Variants in SLC13A1 observed in about 807,000 individuals in gnomAD.
The protein encoded by SLC13A1 is solute carrier family 13 member 1.
Under a neutral mutation model 70.0 loss-of-function variants are expected in SLC13A1, and 65 were observed. The ratio of observed to expected loss-of-function variants is 0.93; its 90% CI spans 0.76 to 1.14. The LOEUF is 1.14. Among genes scored for constraint, SLC13A1 ranks in the 50% most tolerant of loss-of-function variants. The probability of loss-of-function intolerance (pLI) is 0.00; values close to 1 mark genes in which losing one functional copy is unlikely to be tolerated. For missense variants in SLC13A1, 726 were observed against 717.8 expected (o/e 1.01, Z -0.13); for synonymous variants, 275 against 250.5 (o/e 1.10, Z -0.92).
chr7:123,164,350 G>A (rs998055371), intron 6 of SLC13A1, among the ~76,000 whole-genome samples: 32 of 151,522 alleles, frequency 2.1e-4, no homozygotes, highest in African/African-American at 6.8e-4. Context: ...TTGCCTTTGG[G>A]GAGAAATATT....
At chr7:123,137,840 G>A (rs1369530784) in intron 7 of SLC13A1, among the ~76,000 whole-genome samples, 1 of 152,096 alleles carries the variant, frequency 6.6e-6, no homozygotes, top group Non-Finnish European at 1.5e-5. Flanking sequence ...TTTTGATACA[G>A]GCATTCAATG....
intron 13 of SLC13A1, 124 bp from the exon 14 acceptor site, chr7:123,117,732 T>C (rs1333561798): frequency 9.9e-6 from 5 of 507,614 alleles, no homozygotes; most frequent in African/African-American, 9.5e-5. Flanking sequence ...TATAAAATTA[T>C]ATAAATTATT....
chr7:123,162,423 G>C (rs1449798958), intron 6 of SLC13A1, among the ~76,000 whole-genome samples: 4 of 151,928 alleles, frequency 2.6e-5, no homozygotes, highest in Admixed American at 2.6e-4. Context: ...ATTCCTAAAG[G>C]GTGTATGGTA....
intron 7 of SLC13A1, among the ~76,000 whole-genome samples, chr7:123,146,488 C>A (rs953100528): frequency 6.6e-6 from 1 of 152,174 alleles, no homozygotes; most frequent in African/African-American, 2.4e-5. Flanking sequence ...GTCCTCCAGC[C>A]TGGGCAGCAG....
chr7:123,133,377 C>T (rs1793832462), intron 8 of SLC13A1, among the ~76,000 whole-genome samples: 1 of 152,046 alleles, frequency 6.6e-6, no homozygotes, highest in South Asian at 2.1e-4. Context: ...AGCTTGATAA[C>T]CCAAGGAAAT....
At chr7:123,142,759 A>C (rs560551178) in intron 7 of SLC13A1, among the ~76,000 whole-genome samples, 22 of 151,450 alleles carry the variant, frequency 1.5e-4, no homozygotes, top group Non-Finnish European at 2.4e-4. Context: ...CTGGGACTAC[A>C]GATATGTGCC....
chr7:123,140,646 A>G (rs1013010718), intron 7 of SLC13A1, among the ~76,000 whole-genome samples: 1 of 151,996 alleles, frequency 6.6e-6, no homozygotes, highest in Admixed American at 6.6e-5. Context: ...TCATGGTTCA[A>G]TCTTGGTAGA....
At chr7:123,188,264 T>C (rs572773541) in intron 1 of SLC13A1, among the ~76,000 whole-genome samples, 4 of 152,326 alleles carry the variant, frequency 2.6e-5, no homozygotes, top group African/African-American at 9.6e-5. Context: ...TCCACCATTA[T>C]TGTAAGTTTC....
Position 123,165,923 on chromosome 7 carries a change from G to A in SLC13A1, c.660+2451C>T, listed in dbSNP as rs538427134. 2.8e-4 allele frequency among the ~76,000 whole-genome samples: 43 copies of A among 152,192 alleles called. 1 individual carries two copies. In the South Asian group the frequency reaches 6.2e-3, roughly 22 times the overall value. On this transcript the variant is annotated intron_variant, in intron 6 of 14. Coordinates refer to ENST00000194130, the MANE Select transcript of SLC13A1 (RefSeq NM_022444.4). ...ATACATCCTTTGTGTCAGGCAATGGGAATGTGCCAGAGTTTAAAGTGCTGA... is the reference window on the plus strand; with the variant it reads ...ATACATCCTTTGTGTCAGGCAATGGAAATGTGCCAGAGTTTAAAGTGCTGA...
chr7:123,148,564 C>G, intron 6 of SLC13A1: 1 of 391,922 alleles, frequency 2.6e-6, no homozygotes, highest in South Asian at 1.9e-5. Flanking sequence ...TGGTTTGATT[C>G]TTCCTCTTCC....
At chr7:123,132,514 G>A (rs896450163) in intron 8 of SLC13A1, among the ~76,000 whole-genome samples, 5 of 152,102 alleles carry the variant, frequency 3.3e-5, no homozygotes, top group African/African-American at 1.2e-4. Flanking sequence ...TGGGATTACA[G>A]GCACCTGCCA....
In SLC13A1 at chr7:123,199,937, A is replaced by G; in HGVS notation, c.10T>C (p.Phe4Leu). 6.2e-7 allele frequency: 1 copy of G among 1,612,254 alleles called. No individual in the cohort carries two copies. The highest frequency in any genetic ancestry group is 1.1e-5 in the South Asian group (1 of 91,002). The change falls in exon 1 of 15, where the codon TTC becomes CTC. Residue 4 changes from phenylalanine to leucine, a missense_variant. Physicochemically the swap from Phe to Leu is conservative, Grantham distance 22. Coordinates refer to ENST00000194130, the MANE Select transcript of SLC13A1 (RefSeq NM_022444.4). ...CGGCGATAAACCAGAATGTAACTGA[A>G]GAATTTCATTGTCCTGAGCAGGTGG... The part of the protein sequence containing the change: MKF[F>L]SYILVYRRFL...
intron 1 of SLC13A1, among the ~76,000 whole-genome samples, chr7:123,195,774 T>C (rs1796158000): frequency 6.6e-6 from 1 of 152,048 alleles, no homozygotes; most frequent in Non-Finnish European, 1.5e-5. Flanking sequence ...AAATTTGGTA[T>C]CGGTTTTACA....
intron 6 of SLC13A1, chr7:123,148,388 C>T (rs1237424437): frequency 1.3e-5 from 5 of 384,690 alleles, no homozygotes; most frequent in Middle Eastern, 3.6e-4. Context: ...CTCAGTCACC[C>T]CACCCCCATA....
chr7:123,117,724 T>C, intron 13 of SLC13A1, 116 bp from the exon 14 acceptor site: 1 of 518,910 alleles, frequency 1.9e-6, no homozygotes, highest in Non-Finnish European at 3.4e-6. Context: ...CCTAATGATA[T>C]AAAATTATAT....
At position 123,123,676 on chromosome 7, in the gene SLC13A1, A is replaced by T. The variant is rs987557960; in HGVS notation, c.1241-441T>A. ...TTTAATTATTATCCATTAATATTTG[A>T]ACATTTTATTAGTTTTTAGGTCATA... On this transcript the variant is annotated intron_variant, in intron 11 of 14. Coordinates refer to ENST00000194130, the MANE Select transcript of SLC13A1 (RefSeq NM_022444.4). 2.6e-5 allele frequency among the ~76,000 whole-genome samples: 4 copies of T among 152,302 alleles called. 1 individual carries two copies. Among genetic ancestry groups the T allele is most frequent in the South Asian group, 4.1e-4 (2 of 4,826 alleles).
At chr7:123,142,077 C>A (rs998725830) in intron 7 of SLC13A1, among the ~76,000 whole-genome samples, 1 of 152,012 alleles carries the variant, frequency 6.6e-6, no homozygotes, top group Non-Finnish European at 1.5e-5. Flanking sequence ...GGTTTAGTTT[C>A]TTGCTTTTTA....
chr7:123,159,750 T>C (rs1794823450), intron 6 of SLC13A1, among the ~76,000 whole-genome samples: 1 of 151,764 alleles, frequency 6.6e-6, no homozygotes, highest in African/African-American at 2.4e-5. Flanking sequence ...TTGGAAAAAA[T>C]AAAAAGCTGG....
intron 11 of SLC13A1, among the ~76,000 whole-genome samples, chr7:123,124,192 G>A (rs1793481219): frequency 6.6e-6 from 1 of 152,124 alleles, no homozygotes; most frequent in South Asian, 2.1e-4. Context: ...AGAGAAAGGT[G>A]GGTAGGAGCA....
Sources: gnomAD v4.1 joint callset for allele counts (sites outside exome capture counted in the v4.1 genomes callset) on GRCh38, gnomAD v4.1.1 for gene constraint, MANE v1.5 for transcripts, NCBI Gene and HGNC (gene_info 2026-07-23, HGNC 2026-07-21) for gene names.